MCTS1: variants seen among roughly 807,000 people sequenced by gnomAD.
MCTS1 encodes MCTS1 re-initiation and release factor, also known as malignant T-cell-amplified sequence 1.
For synonymous variants in MCTS1, 26 were observed against 40.8 expected (o/e 0.64, Z 1.38); for missense variants, 55 against 128.6 (o/e 0.43, Z 2.77).
chrX:120,605,691 C>T, intron 2 of MCTS1, 132 bp downstream of exon 2: 1 of 635,258 alleles, frequency 1.6e-6, no homozygotes, highest in South Asian at 4.2e-5. Context: ...CACAGAATAA[C>T]TCTAAAACTC....
At chrX:120,611,947 C>T (rs772956585) in intron 5 of MCTS1, among the ~76,000 whole-genome samples, 7 of 111,839 alleles carry the variant, frequency 6.3e-5, no homozygotes, top group Non-Finnish European at 1.1e-4. Context: ...AGTCTTGTGA[C>T]ATTGTTACTC....
At chrX:120,609,362 T>A (rs1382182470) in intron 4 of MCTS1, among the ~76,000 whole-genome samples, 1 of 110,838 alleles carries the variant, frequency 9.0e-6, no homozygotes, top group African/African-American at 3.3e-5. Flanking sequence ...TTTGTATTTT[T>A]AGTAGAGACA....
At position 120,620,276 on chromosome X, in the gene MCTS1, C is replaced by G. The variant is rs1926984483; in HGVS notation, c.*8012C>G. Among the ~76,000 whole-genome samples, 1 of 108,430 alleles carries G rather than the reference C, an allele frequency of 9.2e-6. No homozygotes were observed. The highest frequency in any genetic ancestry group is 3.4e-5 in the African/African-American group (1 of 29,619). The allele number at this position is 108,430 out of a possible 115,157, so 94.2% of individuals were successfully genotyped here. A position where few individuals can be genotyped will look rare whatever the true frequency, so the allele number is the denominator to read the frequency against. On this transcript the variant is annotated 3_prime_UTR_variant, in exon 6 of 6. Coordinates refer to ENST00000371317, the MANE Select transcript of MCTS1 (RefSeq NM_014060.3). ...TGAGCTGAGATCGCACCACTGCATT[C>G]CAGCCTGGACAACAGAGCGAAACTC... is the stretch of plus-strand genomic sequence containing the variant.
rs1486446126 is a variant in MCTS1 at position 120,614,316 on chromosome X, G to A, written c.*2052G>A. 8.9e-6 allele frequency among the ~76,000 whole-genome samples: 1 copy of A among 112,190 alleles called. No homozygotes were observed. The highest frequency in any genetic ancestry group is 9.5e-5 in the Admixed American group (1 of 10,519). ...CTTGGTAAACACAGGTATGAGCAAA[G>A]GAAGATTGATAAATTGGGGTAATAT... On this transcript the variant is annotated 3_prime_UTR_variant, in exon 6 of 6. Transcript: ENST00000371317.
rs778574469 is a variant in MCTS1, at chrX:120,619,717, G to A, written c.*7453G>A. Among the ~76,000 whole-genome samples the A allele has an allele frequency of 9.0e-6, 1 of 111,327 alleles. No homozygotes were observed. The highest frequency in any genetic ancestry group is 1.9e-5 in the Non-Finnish European group (1 of 53,081). On this transcript the variant is annotated 3_prime_UTR_variant, in exon 6 of 6. Transcript: ENST00000371317. Reference sequence around the variant, plus strand: ...TTCCACGATGGGAAAAAATGGGTAGGATTTGAATGAGTAAGAGTGGGATAC... The same window carrying A: ...TTCCACGATGGGAAAAAATGGGTAGAATTTGAATGAGTAAGAGTGGGATAC...
rs1926795797 is a variant in MCTS1 at position 120,614,638 on chromosome X, T to C, written c.*2374T>C. On this transcript the variant is annotated 3_prime_UTR_variant, in exon 6 of 6. Coordinates refer to ENST00000371317, the MANE Select transcript of MCTS1 (RefSeq NM_014060.3). ...CAGATAGTTTAATTTTTTGCTGACT[T>C]ACTGGCTTCAAATTCAGATGTCTCC... Among the ~76,000 whole-genome samples, 1 of 112,188 alleles carries C rather than the reference T, an allele frequency of 8.9e-6. No individual in the cohort carries two copies. The highest frequency in any genetic ancestry group is 3.2e-5 in the African/African-American group (1 of 30,897).
intron 4 of MCTS1, 66 bp from the exon 5 acceptor site, chrX:120,610,945 C>A (rs1926671511): frequency 1.3e-5 from 14 of 1,103,702 alleles, no homozygotes; most frequent in Non-Finnish European, 1.8e-5. Flanking sequence ...TTATTTGACA[C>A]CCTTCCCTTG....
chrX:120,604,610 T>C, intron 1 of MCTS1: 1 of 913,691 alleles, frequency 1.1e-6, no homozygotes. Context: ...CTCACTGCCA[T>C]ATGTTTATTA....
rs1926922781 is a variant in MCTS1 at position 120,618,589 on chromosome X, G to A, written c.*6325G>A. 8.9e-6 allele frequency among the ~76,000 whole-genome samples: 1 copy of A among 112,245 alleles called. No homozygotes were observed. Among genetic ancestry groups the A allele is most frequent in the Non-Finnish European group, 1.9e-5 (1 of 53,291 alleles). On this transcript the variant is annotated 3_prime_UTR_variant, in exon 6 of 6. Transcript: ENST00000371317. ...TTGAAATATATTTGAATATGAAGTA[G>A]AAACAGCTTCATTTAATGGGATAAT... is the stretch of plus-strand genomic sequence containing the variant.
In MCTS1 at chrX:120,604,120, C is replaced by T; in HGVS notation, c.-117C>T. 1 of 926,508 alleles carries T rather than the reference C, an allele frequency of 1.1e-6. No individual in the cohort carries two copies. Among genetic ancestry groups the T allele is most frequent in the South Asian group, 2.2e-5 (1 of 46,397 alleles). The allele number at this position is 926,508 out of a possible 1,213,427, so 76.4% of individuals were successfully genotyped here. A position where few individuals can be genotyped will look rare whatever the true frequency, so the allele number is the denominator to read the frequency against. ...GCTCTCGTTTTCCGGATAACGACTA[C>T]AGCTCCGACTGTCAGTGCCGGCCTT... On this transcript the variant is annotated 5_prime_UTR_variant, in exon 1 of 6. Transcript: ENST00000371317.
Position 120,615,071 on chromosome X carries a change from A to G in MCTS1, c.*2807A>G, listed in dbSNP as rs1304234506. Among the ~76,000 whole-genome samples, 1 of 111,790 alleles carries G rather than the reference A, an allele frequency of 8.9e-6. No individual in the cohort carries two copies. Among genetic ancestry groups the G allele is most frequent in the Non-Finnish European group, 1.9e-5 (1 of 53,138 alleles). On this transcript the variant is annotated 3_prime_UTR_variant, in exon 6 of 6. Coordinates refer to ENST00000371317, the MANE Select transcript of MCTS1 (RefSeq NM_014060.3). ...CTGAGGCCTCTGCTCATCACTGTTA[A>G]TCAGGGATGTCACTCTACATGTGTG...
rs1346834538 is a variant in MCTS1 at position 120,617,583 on chromosome X, TA to T, written c.*5323del. Among the ~76,000 whole-genome samples the T allele has an allele frequency of 3.6e-5, 4 of 112,227 alleles. No homozygotes were observed. Among genetic ancestry groups the T allele is most frequent in the Non-Finnish European group, 7.5e-5 (4 of 53,254 alleles). On this transcript the variant is annotated 3_prime_UTR_variant, in exon 6 of 6. Transcript: ENST00000371317. ...TGCTCTTCATTTCATTCTCCAATTT[TA>T]AAATGCTTTACTTTCAGCCAATATG...
At chrX:120,604,877 G>A in intron 1 of MCTS1, 2 of 1,154,636 alleles carry the variant, frequency 1.7e-6, no homozygotes, top group South Asian at 4.0e-5. Flanking sequence ...GGTGGGTTTT[G>A]TGCATGAAAT....
chrX:120,610,904 G>C, intron 4 of MCTS1, 107 bp from the exon 5 acceptor site: 1 of 809,844 alleles, frequency 1.2e-6, no homozygotes, highest in Middle Eastern at 2.8e-4. Context: ...CACAAGAGGG[G>C]TTCCAAGTGG....
chrX:120,620,355 G>A lies in MCTS1; in HGVS notation c.*8091G>A, dbSNP rs1205463553. ...AAAAATTAGCTGGGCATGGTGGCGC[G>A]TGCCTGTAATCCCAGCACTTTGGGA... On this transcript the variant is annotated 3_prime_UTR_variant, in exon 6 of 6. Coordinates refer to ENST00000371317, the MANE Select transcript of MCTS1 (RefSeq NM_014060.3). 8.6e-5 allele frequency among the ~76,000 whole-genome samples: 9 copies of A among 104,593 alleles called. No individual in the cohort carries two copies. The highest frequency in any genetic ancestry group is 3.9e-5 in the Non-Finnish European group (2 of 51,219). The allele number at this position is 104,593 out of a possible 115,157, so 90.8% of individuals were successfully genotyped here.
intron 4 of MCTS1, among the ~76,000 whole-genome samples, chrX:120,608,893 A>T (rs758620100): frequency 8.9e-6 from 1 of 112,046 alleles, no homozygotes; most frequent in Non-Finnish European, 1.9e-5. Flanking sequence ...AAAATTAATT[A>T]TTTGAAAAGT....
At position 120,612,117 on chromosome X, in the gene MCTS1, ATT is replaced by A. The variant is rs772163098; in HGVS notation, c.465-64_465-63del. 22 of 806,083 alleles carry A rather than the reference ATT, an allele frequency of 2.7e-5. No individual in the cohort carries two copies. The African/African-American group carries it at 3.5e-4, about 13-fold the overall frequency. 66.4% of individuals were successfully genotyped at this position (806,083 alleles called of 1,213,427 possible). ...AAAATAACAATATACTTTGAATTAT[ATT>A]TATCACGAGTAAGACTATAAAAATG... On this transcript the variant is annotated intron_variant, in intron 5 of 5. Transcript: ENST00000371317.
chrX:120,612,134 CTA>C, intron 5 of MCTS1, 47 bp from the exon 6 acceptor site: 2 of 905,261 alleles, frequency 2.2e-6, no homozygotes, highest in Non-Finnish European at 3.2e-6. Flanking sequence ...ACGAGTAAGA[CTA>C]TAAAAATGCA....
chrX:120,610,879 T>C (rs1377235488), intron 4 of MCTS1, 132 bp from the exon 5 acceptor site: 5 of 571,497 alleles, frequency 8.7e-6, no homozygotes, highest in Non-Finnish European at 1.4e-5. Context: ...AAGGAGTTAA[T>C]GGTCTAGGAG....
Sources: allele counts gnomAD v4.1 joint callset (sites outside exome capture counted in the v4.1 genomes callset), GRCh38; gene constraint gnomAD v4.1.1; transcripts MANE v1.5; gene names NCBI Gene and HGNC (gene_info 2026-07-23, HGNC 2026-07-21).